Variants in STX18 observed in about 807,000 individuals in gnomAD.
The protein encoded by STX18 is syntaxin-18.
Under a neutral mutation model 50.1 loss-of-function variants are expected in STX18, and 40 were observed. The ratio of observed to expected loss-of-function variants is 0.80; its 90% CI spans 0.62 to 1.04. The LOEUF is 1.04. STX18 is among the 50% of genes least tolerant of loss of function. The pLI, the probability that STX18 is intolerant of heterozygous loss-of-function variation, is 0.00. For synonymous variants in STX18, 158 were observed against 151.8 expected, an observed-to-expected ratio of 1.04 and a Z score of -0.30; for missense variants, 410 against 415.8, an observed-to-expected ratio of 0.99 and a Z score of 0.12.
chr4:4,457,402 C>A (rs1281260992), intron 4 of STX18, 21 bp downstream of exon 4: 1 of 1,606,636 alleles, frequency 6.2e-7, no homozygotes, highest in Non-Finnish European at 8.5e-7. Flanking sequence ...TACATTTGAC[C>A]TTTAAAAGAA....
chr4:4,467,109 G>A (rs1727652797), intron 2 of STX18, among the ~76,000 whole-genome samples: 2 of 152,066 alleles, frequency 1.3e-5, no homozygotes, highest in South Asian at 2.1e-4. Flanking sequence ...ATCAATCTTA[G>A]GTTTTATAGC....
chr4:4,542,067 TC>T, upstream of STX18: 9 of 1,270,772 alleles, frequency 7.1e-6, no homozygotes, highest in South Asian at 4.1e-5. Flanking sequence ...CCCACACGCC[TC>T]CCCCCGGCAA....
intron 5 of STX18, among the ~76,000 whole-genome samples, chr4:4,441,197 T>C: frequency 6.6e-6 from 1 of 152,214 alleles, no homozygotes; most frequent in African/African-American, 2.4e-5. Context: ...GGCCATATTC[T>C]ACTGCCCAAC....
chr4:4,429,481 C>A (rs909556785), intron 7 of STX18, among the ~76,000 whole-genome samples: 2 of 152,164 alleles, frequency 1.3e-5, no homozygotes, highest in African/African-American at 2.4e-5. Context: ...ATTTGTGTCA[C>A]AAAGAGCCAA....
At chr4:4,447,354 C>A (rs1384107498) in intron 5 of STX18, among the ~76,000 whole-genome samples, 4 of 151,930 alleles carry the variant, frequency 2.6e-5, no homozygotes, top group Admixed American at 6.6e-5. Flanking sequence ...CTTTGCGAGG[C>A]CGAGGCGGGC....
At chr4:4,462,017 A>C in intron 2 of STX18, 1 of 455,862 alleles carries the variant, frequency 2.2e-6, no homozygotes, top group Non-Finnish European at 4.4e-6. Context: ...CTAATGCCTG[A>C]GTGTGTCTAA....
chr4:4,510,919 C>G (rs1196675567), intron 1 of STX18, among the ~76,000 whole-genome samples: 1 of 151,980 alleles, frequency 6.6e-6, no homozygotes, highest in African/African-American at 2.4e-5. Flanking sequence ...AACCAAACAC[C>G]ACTTGTTCTC....
At chr4:4,479,494 C>G (rs1728354250) in intron 1 of STX18, among the ~76,000 whole-genome samples, 1 of 152,228 alleles carries the variant, frequency 6.6e-6, no homozygotes, top group Admixed American at 6.5e-5. Context: ...TAGCTATGGG[C>G]CAGCACAGAA....
chr4:4,507,101 A>G, intron 1 of STX18: 1 of 547,940 alleles, frequency 1.8e-6, no homozygotes, highest in East Asian at 4.7e-5. Flanking sequence ...GAGCGCCAAG[A>G]TCGTGAAGCC....
intron 1 of STX18, among the ~76,000 whole-genome samples, chr4:4,492,468 T>C (rs894846642): frequency 4.6e-5 from 7 of 152,252 alleles, no homozygotes; most frequent in African/African-American, 1.7e-4. Context: ...TCAAACAGTG[T>C]TTGTAGATTA....
chr4:4,459,334 T>C (rs781563648), intron 3 of STX18, 38 bp downstream of exon 3: 1 of 1,480,100 alleles, frequency 6.8e-7, no homozygotes, highest in South Asian at 1.1e-5. Flanking sequence ...ACTTGCTATA[T>C]TCATGGTTGC....
At chr4:4,515,929 A>C (rs1216962005) in intron 1 of STX18, among the ~76,000 whole-genome samples, 2 of 152,198 alleles carry the variant, frequency 1.3e-5, no homozygotes, top group East Asian at 3.8e-4. Flanking sequence ...AGCATAAGCT[A>C]TAGCTGATAC....
At position 4,516,684 on chromosome 4, in the gene STX18, C is replaced by A. The variant is rs559703657; in HGVS notation, c.168+25113G>T. On this transcript the variant is annotated intron_variant, in intron 1 of 10. Coordinates refer to ENST00000306200, the MANE Select transcript of STX18 (RefSeq NM_016930.4). ...TGAATAATTTATAAAACAATACATT[C>A]TTGACTAACGTGCTATGCATTTTTA... 6.6e-5 allele frequency among the ~76,000 whole-genome samples: 10 copies of A among 152,206 alleles called. No homozygotes were observed. The South Asian group carries it at 1.9e-3, about 28-fold the overall frequency.
At chr4:4,425,591 T>C (rs564291651) in intron 7 of STX18, 24 of 314,874 alleles carry the variant, frequency 7.6e-5, no homozygotes, top group African/African-American at 4.8e-4. Context: ...TTGTTTTCTC[T>C]CATGAACTAT....
At chr4:4,507,367 G>A (rs2887411) in intron 1 of STX18, 119,780 of 752,090 alleles carry the variant, frequency 0.16, 10,033 homozygotes, top group Non-Finnish European at 0.17. Context: ...AGTTGGTGGT[G>A]GTCAGAAAGC....
At chr4:4,480,009 C>A (rs908470297) in intron 1 of STX18, among the ~76,000 whole-genome samples, 2 of 152,130 alleles carry the variant, frequency 1.3e-5, no homozygotes, top group African/African-American at 4.8e-5. Flanking sequence ...AAAACTGAGA[C>A]AAAACAGAGG....
chr4:4,520,365 A>G (rs1432871780), intron 1 of STX18, among the ~76,000 whole-genome samples: 4 of 152,234 alleles, frequency 2.6e-5, no homozygotes. Context: ...TTCCTTCCAC[A>G]CACACAAAAT....
At chr4:4,440,373 A>G (rs1726043470) in intron 5 of STX18, among the ~76,000 whole-genome samples, 1 of 152,230 alleles carries the variant, frequency 6.6e-6, no homozygotes, top group Non-Finnish European at 1.5e-5. Context: ...CTTTTAACAA[A>G]GGAGGAAACT....
intron 1 of STX18, among the ~76,000 whole-genome samples, chr4:4,472,764 G>A (rs993599179): frequency 6.6e-6 from 1 of 152,156 alleles, no homozygotes; most frequent in African/African-American, 2.4e-5. Flanking sequence ...GAAGCACAGA[G>A]GTGATCAATA....
Sources: gnomAD v4.1 joint callset for allele counts (sites outside exome capture counted in the v4.1 genomes callset) on GRCh38, gnomAD v4.1.1 for gene constraint, MANE v1.5 for transcripts, NCBI Gene and HGNC (gene_info 2026-07-23, HGNC 2026-07-21) for gene names.